Variants in FBXL2 observed in about 807,000 individuals in gnomAD.
The protein encoded by FBXL2 is F-box and leucine rich repeat protein 2, also known as F-box/LRR-repeat protein 2.
A neutral mutation model predicts 69.2 loss-of-function variants in FBXL2; 38 were observed. The ratio of observed to expected loss-of-function variants is 0.55; its 90% CI spans 0.42 to 0.72. The LOEUF is 0.72. FBXL2 is among the 30% of genes least tolerant of loss of function. The pLI is 0.00. For missense variants in FBXL2, 354 were observed against 520.3 expected (o/e 0.68, Z 3.11); for synonymous variants, 192 against 201.3 (o/e 0.95, Z 0.39).
At chr3:33,373,026 T>C in intron 5 of FBXL2, 66 bp from the exon 6 acceptor site, 1 of 1,374,680 alleles carries the variant, frequency 7.3e-7, no homozygotes, top group East Asian at 2.3e-5. Flanking sequence ...GCGTGAATGG[T>C]TTCATATGCC....
intron 9 of FBXL2, 25 bp downstream of exon 9, chr3:33,373,946 AC>A (rs2042465478): frequency 7.4e-6 from 12 of 1,611,572 alleles, no homozygotes; most frequent in African/African-American, 4.0e-5. Context: ...TTTCCTGAAC[AC>A]TGTTTGCTCT....
At chr3:33,403,732 GAA>G (rs1278599404), downstream of FBXL2, 1 of 152,206 alleles carries the variant, frequency 6.6e-6, no homozygotes, top group African/African-American at 2.4e-5. Flanking sequence ...TTAGGAGGTT[GAA>G]AAAGTCAGTC....
chr3:33,357,590 C>T (rs959480853), intron 2 of FBXL2, among the ~76,000 whole-genome samples: 9 of 129,780 alleles, frequency 6.9e-5, no homozygotes, highest in African/African-American at 2.4e-4. Flanking sequence ...AGTGCAGTGG[C>T]GCTATCTCGG....
intron 2 of FBXL2, chr3:33,302,960 C>T (rs1168172396): frequency 6.2e-6 from 2 of 320,280 alleles, no homozygotes; most frequent in African/African-American, 2.2e-5. Flanking sequence ...TTGTTGGAAT[C>T]ATTAAGATAT....
At chr3:33,378,541 G>A in intron 12 of FBXL2, 144 bp from the exon 13 acceptor site, 1 of 745,858 alleles carries the variant, frequency 1.3e-6, no homozygotes, top group South Asian at 2.1e-5. Context: ...GAGTGCTGGT[G>A]AAGAGAGGAG....
chr3:33,374,796 GATTT>G (rs10533205), intron 9 of FBXL2, among the ~76,000 whole-genome samples: 39,019 of 151,788 alleles, frequency 0.26, 5,877 homozygotes, highest in East Asian at 0.47. Context: ...ATAATTTTGT[GATTT>G]ATTTAATTTT....
chr3:33,373,871 A>G lies in FBXL2; in HGVS notation c.607A>G (p.Ile203Val), dbSNP rs1575387073. The stretch of plus-strand genomic sequence containing the variant: ...GTTAGAAGATGAAGCTCTGAAACAC[A>G]TTCAGAATTACTGCCATGAGCTTGT... Reference protein sequence around the residue: ...TQLEDEALKHIQNYCHELVSL... With the variant: ...TQLEDEALKHVQNYCHELVSL... The change falls in exon 9 of 15, where the codon ATT (isoleucine) becomes GTT (valine). Residue 203 changes from isoleucine (I) to valine (V), a missense_variant. Coordinates refer to ENST00000484457, the MANE Select transcript of FBXL2 (RefSeq NM_012157.5). 2 of 1,614,220 alleles carry G rather than the reference A, an allele frequency of 1.2e-6. No homozygotes were observed. The highest frequency in any genetic ancestry group is 1.3e-5 in the African/African-American group (1 of 75,052).
intron 2 of FBXL2, among the ~76,000 whole-genome samples, chr3:33,308,802 C>G (rs764436505): frequency 4.6e-5 from 7 of 152,104 alleles, no homozygotes; most frequent in Non-Finnish European, 7.4e-5. Flanking sequence ...TGTCCATTTT[C>G]ATTTATTGCA....
chr3:33,373,645 G>A lies in FBXL2; in HGVS notation c.523G>A (p.Glu175Lys), dbSNP rs1439835474. 3 of 1,614,162 alleles carry A rather than the reference G, an allele frequency of 1.9e-6. No homozygotes were observed. The highest frequency in any genetic ancestry group is 1.1e-5 in the South Asian group (1 of 91,076). ...WCDQITKDGI[E>K]ALVRGCRGLK... ...TGATCAGATCACGAAGGATGGCATC[G>A]AGGCACTGGTGCGAGGTTGTCGAGG... The change falls in exon 8 of 15, where the codon GAG (glutamate) becomes AAG (lysine). Residue 175 changes from glutamate (E) to lysine (K), a missense_variant. Physicochemically the swap from Glu to Lys is moderately conservative, Grantham distance 56 (BLOSUM62 1). Coordinates refer to ENST00000484457, the MANE Select transcript of FBXL2 (RefSeq NM_012157.5).
intron 12 of FBXL2, among the ~76,000 whole-genome samples, chr3:33,398,843 G>C (rs751596325): frequency 6.6e-6 from 1 of 152,154 alleles, no homozygotes; most frequent in African/African-American, 2.4e-5. Flanking sequence ...CCATACAACA[G>C]TGCAAGACAA....
At chr3:33,403,531 G>GTCTATCTAA (rs1267953589) in exon 13 of FBXL2, 1 of 150,418 alleles carries the variant, frequency 6.6e-6, no homozygotes, top group Non-Finnish European at 1.5e-5. Context: ...TGTCTGGTCT[G>GTCTATCTAA]TCTATCTAAT....
chr3:33,385,605 C>G lies in FBXL2; in HGVS notation c.1269C>G (p.Leu423=). ...GQRLCRCCVI[L] ...GACTGTGCAGGTGCTGTGTCATTCT[C>G]TGACAGCAGCTGCCTGGGCCCAAGG... is the stretch of plus-strand genomic sequence containing the variant. Residue 423 remains leucine, a synonymous_variant, in exon 15 of 15, where the codon CTC becomes CTG. Coordinates refer to ENST00000484457, the MANE Select transcript of FBXL2 (RefSeq NM_012157.5). 1.2e-6 allele frequency: 2 copies of G among 1,613,370 alleles called. No individual in the cohort carries two copies. Among genetic ancestry groups the G allele is most frequent in the East Asian group, 2.2e-5 (1 of 44,874 alleles).
chr3:33,372,705 A>G, intron 5 of FBXL2: 1 of 319,374 alleles, frequency 3.1e-6, no homozygotes, highest in Non-Finnish European at 5.9e-6. Context: ...GCACAGTACT[A>G]GAAGATTTGC....
At chr3:33,283,212 G>A (rs571468166) in intron 1 of FBXL2, among the ~76,000 whole-genome samples, 1 of 152,280 alleles carries the variant, frequency 6.6e-6, no homozygotes, top group East Asian at 1.9e-4. Flanking sequence ...ATTATTTTGA[G>A]ATATGTTCCA....
intron 2 of FBXL2, among the ~76,000 whole-genome samples, chr3:33,334,340 A>C (rs1168182994): frequency 3.3e-5 from 5 of 152,208 alleles, no homozygotes; most frequent in African/African-American, 1.2e-4. Context: ...AGATATTTCA[A>C]GGGATTCATG....
the FBXL2 span, among the ~76,000 whole-genome samples, chr3:33,415,753 CA>C: frequency 7.0e-4 from 98 of 140,942 alleles, no homozygotes; most frequent in Admixed American, 1.1e-3. Context: ...GATACATTAA[CA>C]AAAAAAAAAA....
intron 2 of FBXL2, among the ~76,000 whole-genome samples, chr3:33,328,272 C>CT (rs1272578999): frequency 2.0e-5 from 3 of 152,164 alleles, no homozygotes; most frequent in African/African-American, 4.8e-5. Flanking sequence ...AATGAATACA[C>CT]TGCCCAAAGC....
chr3:33,346,445 G>T (rs1404357234), intron 2 of FBXL2, among the ~76,000 whole-genome samples: 1 of 151,902 alleles, frequency 6.6e-6, no homozygotes, highest in Non-Finnish European at 1.5e-5. Context: ...GGTGGCATGT[G>T]CCTGTAGTCC....
At chr3:33,401,191 G>C (rs2044215932) in intron 12 of FBXL2, among the ~76,000 whole-genome samples, 1 of 152,176 alleles carries the variant, frequency 6.6e-6, no homozygotes, top group South Asian at 2.1e-4. Context: ...GTGTGGACAT[G>C]ATGACGAAAT....
Sources: gnomAD v4.1 joint callset for allele counts (sites outside exome capture counted in the v4.1 genomes callset) on GRCh38, gnomAD v4.1.1 for gene constraint, MANE v1.5 for transcripts, NCBI Gene and HGNC (gene_info 2026-07-23, HGNC 2026-07-21) for gene names.